The following PDE3A variants were observed in gnomAD, a reference collection of about 807,000 sequenced individuals.
The protein encoded by PDE3A is phosphodiesterase 3A.
Under a neutral mutation model 98.3 loss-of-function variants are expected in PDE3A, and 43 were observed. The observed-to-expected ratio is 0.44, with a 90% CI of 0.34 to 0.56. The LOEUF (loss-of-function observed/expected upper bound fraction) is 0.56. Ranked by LOEUF, PDE3A falls within the 20% of genes least tolerant of loss-of-function variation. The pLI is 0.01. For synonymous variants in PDE3A, 663 were observed against 567.9 expected, an observed-to-expected ratio of 1.17 and a Z score of -2.38; for missense variants, 1,427 against 1,440.7, an observed-to-expected ratio of 0.99 and a Z score of 0.15.
At chr12:20,396,194 G>A (rs554071161) in intron 1 of PDE3A, among the ~76,000 whole-genome samples, 11 of 152,110 alleles carry the variant, frequency 7.2e-5, no homozygotes, top group Admixed American at 2.0e-4. Flanking sequence ...AAATATAATC[G>A]TTAAAACATT....
At chr12:20,634,850 C>T (rs1206004608) in intron 7 of PDE3A, 52 bp from the exon 8 acceptor site, 6 of 1,181,340 alleles carry the variant, frequency 5.1e-6, no homozygotes, top group Admixed American at 4.0e-5. Flanking sequence ...CTTAAATGAG[C>T]CCCCTTTCCC....
chr12:20,369,792 G>GA lies in PDE3A; in HGVS notation c.508_509insA (p.Gly170GlufsTer50). On this transcript the variant is annotated frameshift_variant, in exon 1 of 16. Transcript: ENST00000359062. LOFTEE classifies it high-confidence loss of function. ...CGCGCTGCTGGCCGCCTGCTGCGGG[G>GA]GGGAAGCGCTCGTCCAGATTGGGCT... is the stretch of plus-strand genomic sequence containing the variant. The GA allele has an allele frequency of 1.2e-6, 2 of 1,612,570 alleles. No individual in the cohort carries two copies. The highest frequency in any genetic ancestry group is 1.7e-6 in the Non-Finnish European group (2 of 1,179,706).
At chr12:20,443,130 A>G (rs1342099029) in intron 1 of PDE3A, among the ~76,000 whole-genome samples, 1 of 152,036 alleles carries the variant, frequency 6.6e-6, no homozygotes, top group Non-Finnish European at 1.5e-5. Flanking sequence ...ATATAAATGT[A>G]TATATTTAAT....
intron 1 of PDE3A, among the ~76,000 whole-genome samples, chr12:20,526,021 G>T (rs1286287605): frequency 6.6e-6 from 1 of 152,118 alleles, no homozygotes; most frequent in Non-Finnish European, 1.5e-5. Context: ...TTTCAAAGTT[G>T]GTAAGGCTTT....
chr12:20,585,804 C>A (rs1321367084), intron 2 of PDE3A, among the ~76,000 whole-genome samples: 1 of 152,000 alleles, frequency 6.6e-6, no homozygotes. Flanking sequence ...TCAGTTTTGA[C>A]TTTGGTTCAT....
chr12:20,673,272 C>T (rs1413665064), intron 15 of PDE3A, among the ~76,000 whole-genome samples: 1 of 151,118 alleles, frequency 6.6e-6, no homozygotes, highest in African/African-American at 2.4e-5. Context: ...CTAGTTCAAC[C>T]ATTGTGGAAG....
intron 1 of PDE3A, among the ~76,000 whole-genome samples, chr12:20,532,934 C>G (rs1344035785): frequency 6.6e-6 from 1 of 152,132 alleles, no homozygotes; most frequent in Non-Finnish European, 1.5e-5. Flanking sequence ...CCTCGGCCTC[C>G]CAAAGTGCTG....
intron 1 of PDE3A, among the ~76,000 whole-genome samples, chr12:20,383,193 C>T (rs764474874): frequency 4.3e-4 from 66 of 151,988 alleles, no homozygotes; most frequent in Non-Finnish European, 7.2e-4. Flanking sequence ...TATAACCCCA[C>T]GTACAGAAAC....
At chr12:20,578,977 T>C (rs886563887) in intron 2 of PDE3A, among the ~76,000 whole-genome samples, 57 of 152,208 alleles carry the variant, frequency 3.7e-4, no homozygotes, top group Admixed American at 2.1e-3. Context: ...TGTATGCTAA[T>C]AACTACACCA....
intron 2 of PDE3A, among the ~76,000 whole-genome samples, chr12:20,597,489 T>G (rs1271944637): frequency 6.6e-6 from 1 of 152,196 alleles, no homozygotes; most frequent in Non-Finnish European, 1.5e-5. Context: ...TAATAGGCTT[T>G]TTTGTTGGTT....
chr12:20,368,738 G>A lies in PDE3A; in HGVS notation c.-547G>A, dbSNP rs1166212834. ...AATCGGCCGAGGAGAAAGAAAGAGT[G>A]ATAGAAAAAGAGCTGCAGGAAGGAG... is the stretch of plus-strand genomic sequence containing the variant. On this transcript the variant is annotated 5_prime_UTR_variant, in exon 1 of 16. The change abolishes the stop of an existing upstream ORF in the 5' untranslated region. Coordinates refer to ENST00000359062, the MANE Select transcript of PDE3A (RefSeq NM_000921.5). Among the ~76,000 whole-genome samples the A allele has an allele frequency of 6.6e-6, 1 of 151,902 alleles. No homozygotes were observed. Among genetic ancestry groups the A allele is most frequent in the Non-Finnish European group, 1.5e-5 (1 of 67,928 alleles).
At chr12:20,385,682 C>T (rs1209529109) in intron 1 of PDE3A, among the ~76,000 whole-genome samples, 8 of 150,880 alleles carry the variant, frequency 5.3e-5, no homozygotes, top group African/African-American at 4.9e-5. Flanking sequence ...AGCAAACTAT[C>T]GCAAGGACAA....
chr12:20,539,459 T>C (rs968058315), intron 1 of PDE3A, among the ~76,000 whole-genome samples: 1 of 152,124 alleles, frequency 6.6e-6, no homozygotes, highest in Admixed American at 6.6e-5. Flanking sequence ...TGTAATGAAA[T>C]AATTACACAA....
chr12:20,524,237 G>T lies in PDE3A; in HGVS notation c.961-32423G>T, dbSNP rs368003239. ...GTTTAGGTTTCAGTGACAAGTTTTCGTAGCAGTTGCGGCTGCATTTAGCTC... is the reference window on the plus strand; with the variant it reads ...GTTTAGGTTTCAGTGACAAGTTTTCTTAGCAGTTGCGGCTGCATTTAGCTC... On this transcript the variant is annotated intron_variant, in intron 1 of 15. Transcript: ENST00000359062. 1.8e-4 allele frequency among the ~76,000 whole-genome samples: 27 copies of T among 152,312 alleles called. No homozygotes were observed. The East Asian group carries it at 3.3e-3, about 19-fold the overall frequency.
intron 8 of PDE3A, among the ~76,000 whole-genome samples, chr12:20,635,663 G>C (rs1944492847): frequency 6.8e-6 from 1 of 147,712 alleles, no homozygotes; most frequent in Non-Finnish European, 1.5e-5. Context: ...TGAGGGAGGA[G>C]AATCACTTGA....
rs181710749 is a variant in PDE3A at position 20,588,985 on chromosome 12, C to T, written c.1012-24458C>T. On this transcript the variant is annotated intron_variant, in intron 2 of 15. Transcript: ENST00000359062. ...TCGCCCAGGCTGGAGTGTAGTGGCG[C>T]CATTTGGGCTCCCTGCAAGCTCCGC... Among the ~76,000 whole-genome samples the T allele has an allele frequency of 1.3e-3, 199 of 152,272 alleles. 1 individual carries two copies. The highest frequency in any genetic ancestry group is 4.6e-3 in the African/African-American group (190 of 41,562).
intron 10 of PDE3A, among the ~76,000 whole-genome samples, chr12:20,641,670 T>C (rs1170874299): frequency 6.6e-6 from 1 of 152,214 alleles, no homozygotes; most frequent in Non-Finnish European, 1.5e-5. Context: ...CATTAAATCA[T>C]AGTTGAAAGA....
intron 1 of PDE3A, among the ~76,000 whole-genome samples, chr12:20,513,436 C>A (rs1946263657): frequency 6.6e-6 from 1 of 152,106 alleles, no homozygotes; most frequent in African/African-American, 2.4e-5. Context: ...TGAGTAATAG[C>A]AGCTTAGCAT....
At chr12:20,645,734 C>T (rs1042177969) in intron 10 of PDE3A, among the ~76,000 whole-genome samples, 8 of 151,980 alleles carry the variant, frequency 5.3e-5, no homozygotes, top group Non-Finnish European at 8.8e-5. Flanking sequence ...TGACCCCCTT[C>T]CCTTGATGAT....
Sources: allele counts gnomAD v4.1 joint callset (sites outside exome capture counted in the v4.1 genomes callset), GRCh38; gene constraint gnomAD v4.1.1; transcripts MANE v1.5; gene names NCBI Gene and HGNC (gene_info 2026-07-23, HGNC 2026-07-21).